Variants in PPARGC1A observed in about 807,000 individuals in gnomAD.
The protein encoded by PPARGC1A is peroxisome proliferator-activated receptor gamma coactivator 1-alpha.
Under a neutral mutation model 88.7 loss-of-function variants are expected in PPARGC1A, and 25 were observed. The observed-to-expected ratio is 0.28, with a 90% CI of 0.21 to 0.39. The LOEUF is 0.39. Ranked by LOEUF, PPARGC1A falls within the 10% of genes least tolerant of loss-of-function variation. The pLI is 1.00. For missense variants in PPARGC1A, 880 were observed against 968.7 expected, an observed-to-expected ratio of 0.91 and a Z score of 1.22; for synonymous variants, 363 against 355.6, an observed-to-expected ratio of 1.02 and a Z score of -0.24.
the PPARGC1A span, among the ~76,000 whole-genome samples, chr4:23,951,518 A>G: frequency 2.0e-5 from 3 of 152,206 alleles, no homozygotes; most frequent in African/African-American, 7.2e-5. Context: ...AGATCAAAAC[A>G]CACAAGAAAA....
intron 2 of PPARGC1A, among the ~76,000 whole-genome samples, chr4:23,872,617 T>G (rs1251404783): frequency 2.0e-5 from 3 of 152,204 alleles, no homozygotes; most frequent in Non-Finnish European, 4.4e-5. Flanking sequence ...AGAAATTCCC[T>G]GCTCTACTTC....
the PPARGC1A span, among the ~76,000 whole-genome samples, chr4:24,307,041 A>C: frequency 6.6e-6 from 1 of 152,218 alleles, no homozygotes; most frequent in Non-Finnish European, 1.5e-5. Flanking sequence ...GATTGATGGG[A>C]TATTCACTGG....
In PPARGC1A at chr4:23,828,282, T is replaced by C. The variant is rs886840447; in HGVS notation, c.757+118A>G. 5 of 1,083,630 alleles carry C rather than the reference T, an allele frequency of 4.6e-6. No individual in the cohort carries two copies. The Admixed American group carries it at 8.4e-5, about 18-fold the overall frequency. 67.1% of individuals were successfully genotyped at this position (1,083,630 alleles called of 1,614,324 possible). A position where few individuals can be genotyped will look rare whatever the true frequency, so the allele number is the denominator to read the frequency against. On this transcript the variant is annotated intron_variant, in intron 5 of 12. Coordinates refer to ENST00000264867, the MANE Select transcript of PPARGC1A (RefSeq NM_013261.5). ...GCTCTGTAATAAGTGCTGAATTCTC[T>C]TTCCACAGAGTGACGCTGATGGGAC...
the PPARGC1A span, among the ~76,000 whole-genome samples, chr4:24,225,533 A>AG: frequency 6.6e-6 from 1 of 151,042 alleles, no homozygotes; most frequent in Non-Finnish European, 1.5e-5. Flanking sequence ...CCGTCTCAAA[A>AG]AAAAAACACA....
At chr4:24,179,755 C>T in the PPARGC1A span, among the ~76,000 whole-genome samples, 2 of 152,092 alleles carry the variant, frequency 1.3e-5, no homozygotes, top group Admixed American at 1.3e-4. Context: ...TTTTACAGTG[C>T]CGATACAGTG....
chr4:24,341,016 A>G, the PPARGC1A span, among the ~76,000 whole-genome samples: 5 of 152,156 alleles, frequency 3.3e-5, no homozygotes, highest in African/African-American at 1.2e-4. Context: ...CATAGGAATG[A>G]GCTTCTGAAA....
the PPARGC1A span, among the ~76,000 whole-genome samples, chr4:24,302,628 A>G: frequency 6.6e-6 from 1 of 152,234 alleles, no homozygotes; most frequent in Admixed American, 6.5e-5. Context: ...CAGGTGGATG[A>G]AGCAAACTTC....
the PPARGC1A span, among the ~76,000 whole-genome samples, chr4:23,997,497 CTT>C: frequency 2.2e-3 from 217 of 96,928 alleles, no homozygotes; most frequent in African/African-American, 4.7e-3. Context: ...CAAGAAAGCC[CTT>C]TTTTTTTTTT....
the PPARGC1A span, among the ~76,000 whole-genome samples, chr4:24,439,083 C>T: frequency 6.6e-6 from 1 of 152,066 alleles, no homozygotes; most frequent in Non-Finnish European, 1.5e-5. Context: ...CCCTCTCCCC[C>T]ACAGCTTTGC....
chr4:24,270,533 T>A, the PPARGC1A span, among the ~76,000 whole-genome samples: 1 of 152,262 alleles, frequency 6.6e-6, no homozygotes, highest in African/African-American at 2.4e-5. Context: ...CCACCCAGGA[T>A]AAAAATTCCC....
At chr4:24,198,860 A>G in the PPARGC1A span, among the ~76,000 whole-genome samples, 2 of 152,210 alleles carry the variant, frequency 1.3e-5, no homozygotes, top group South Asian at 2.1e-4. Context: ...CCTGAAGAGC[A>G]GCAGCAGTAT....
intron 12 of PPARGC1A, 110 bp from the exon 13 acceptor site, chr4:23,796,035 C>T: frequency 1.3e-6 from 1 of 767,974 alleles, no homozygotes; most frequent in Non-Finnish European, 2.2e-6. Flanking sequence ...AATCAATATA[C>T]TTTAGAAAAC....
the PPARGC1A span, among the ~76,000 whole-genome samples, chr4:24,092,563 C>T: frequency 2.6e-5 from 4 of 152,142 alleles, no homozygotes; most frequent in Non-Finnish European, 5.9e-5. Context: ...CATGGCCCTG[C>T]CTATATCACT....
the PPARGC1A span, among the ~76,000 whole-genome samples, chr4:24,229,180 G>GTTTTTTT: frequency 7.0e-5 from 2 of 28,408 alleles, no homozygotes; most frequent in African/African-American, 1.1e-4. Flanking sequence ...TTGAGATGGA[G>GTTTTTTT]TCTTGTTCTG....
chr4:24,259,337 A>C, the PPARGC1A span, among the ~76,000 whole-genome samples: 1 of 152,142 alleles, frequency 6.6e-6, no homozygotes, highest in Non-Finnish European at 1.5e-5. Flanking sequence ...CCACCTCAGG[A>C]ACTTTTTGCT....
intron 12 of PPARGC1A, among the ~76,000 whole-genome samples, chr4:23,801,073 T>A (rs943050765): frequency 1.3e-5 from 2 of 152,014 alleles, no homozygotes; most frequent in Admixed American, 6.6e-5. Context: ...TTTCTAAGTG[T>A]CTGTGAAATA....
the PPARGC1A span, among the ~76,000 whole-genome samples, chr4:24,087,420 C>A: frequency 1.3e-5 from 2 of 152,118 alleles, no homozygotes; most frequent in African/African-American, 2.4e-5. Context: ...TATTTCTAGA[C>A]CAGTTCAAAA....
the PPARGC1A span, among the ~76,000 whole-genome samples, chr4:24,128,579 T>TGTGCGC: frequency 7.4e-6 from 1 of 135,682 alleles, no homozygotes; most frequent in East Asian, 2.1e-4. Context: ...TGTGTGTGTG[T>TGTGCGC]GCACGCGCAT....
chr4:23,810,163 A>G (rs145089888), intron 10 of PPARGC1A, among the ~76,000 whole-genome samples: 1 of 152,328 alleles, frequency 6.6e-6, no homozygotes, highest in African/African-American at 2.4e-5. Context: ...TAAGTCCCAA[A>G]TCTTTATTAA....
Sources: allele counts gnomAD v4.1 joint callset (sites outside exome capture counted in the v4.1 genomes callset), GRCh38; gene constraint gnomAD v4.1.1; transcripts MANE v1.5; gene names NCBI Gene and HGNC (gene_info 2026-07-23, HGNC 2026-07-21).